Variants in HNRNPL observed in about 807,000 individuals in gnomAD.
The protein encoded by HNRNPL is heterogeneous nuclear ribonucleoprotein L.
A neutral mutation model predicts 64.0 loss-of-function variants in HNRNPL; 12 were observed. That is an observed-to-expected ratio of 0.19 (90% CI 0.12 to 0.30). The LOEUF is 0.30. Among genes scored for constraint, HNRNPL ranks in the 10% least tolerant of loss-of-function variants. The pLI is 1.00. For missense variants in HNRNPL, 484 were observed against 797.4 expected, an observed-to-expected ratio of 0.61 and a Z score of 4.73; for synonymous variants, 385 against 313.0, an observed-to-expected ratio of 1.23 and a Z score of -2.43.
At chr19:38,843,257 CAG>C (rs1039932789) in intron 6 of HNRNPL, 2 of 153,730 alleles carry the variant, frequency 1.3e-5, no homozygotes, top group African/African-American at 4.8e-5. Context: ...CCATTCTTGA[CAG>C]ACACTAGGAA....
At chr19:38,847,235 T>A in intron 2 of HNRNPL, 81 bp downstream of exon 2, 1 of 650,216 alleles carries the variant, frequency 1.5e-6, no homozygotes, top group Non-Finnish European at 2.5e-6. Context: ...AAATCACTAT[T>A]TCCAACCAGA....
intron 2 of HNRNPL, among the ~76,000 whole-genome samples, 166 bp from the exon 3 acceptor site, chr19:38,846,256 CAA>C (rs1241937712): frequency 6.6e-6 from 1 of 152,138 alleles, no homozygotes; most frequent in Non-Finnish European, 1.5e-5. Flanking sequence ...TACCAAAAGC[CAA>C]AGAGGTCTAG....
chr19:38,837,313 C>A, intron 12 of HNRNPL, 71 bp downstream of exon 12: 1 of 1,200,928 alleles, frequency 8.3e-7, no homozygotes, highest in Non-Finnish European at 1.2e-6. Flanking sequence ...GCAGGAAGGA[C>A]ATCCCTGGCC....
At position 38,836,833 on chromosome 19, in the gene HNRNPL, C is replaced by T. The variant is rs1012075486; in HGVS notation, c.1712-53G>A. ...TTCCCGTCTTTGGAGGCTCCCCAAA[C>T]CCAGGTCCCCTCAAGTTTGTACCCA... On this transcript the variant is annotated intron_variant, in intron 12 of 12. Transcript: ENST00000221419. 2.9e-6 allele frequency: 4 copies of T among 1,374,834 alleles called. No homozygotes were observed. The African/African-American group carries it at 5.7e-5, about 20-fold the overall frequency. The allele number at this position is 1,374,834 out of a possible 1,614,324, so 85.2% of individuals were successfully genotyped here.
intron 9 of HNRNPL, 30 bp from the exon 10 acceptor site, chr19:38,838,628 T>C (rs748594639): frequency 6.2e-7 from 1 of 1,601,848 alleles, no homozygotes; most frequent in Non-Finnish European, 8.5e-7. Flanking sequence ...GGAGCCTTTG[T>C]CATACCCAAA....
chr19:38,838,488 T>C lies in HNRNPL; in HGVS notation c.1466A>G (p.Glu489Gly). 1 of 1,614,154 alleles carries C rather than the reference T, an allele frequency of 6.2e-7. No homozygotes were observed. Among genetic ancestry groups the C allele is most frequent in the Non-Finnish European group, 8.5e-7 (1 of 1,179,994 alleles). ...ESRNNRFSTP[E>G]QAAKNRIQHP... ...CTGGATGCGGTTCTTGGCTGCCTGC[T>C]CTGGGGTGGAGAACCGATTGTTCCG... Residue 489 changes from glutamate (E) to glycine (G), a missense_variant, in exon 10 of 13, where the codon GAG becomes GGG. Transcript: ENST00000221419.
chr19:38,851,247 C>T (rs1261351324), upstream of HNRNPL: 1 of 152,360 alleles, frequency 6.6e-6, no homozygotes, highest in Non-Finnish European at 1.5e-5. Flanking sequence ...GGTAAGACCA[C>T]CCGCACTGCA....
rs777125233 is a variant in HNRNPL at position 38,837,654 on chromosome 19, G to A, written c.1558-3C>T. On this transcript the variant is annotated splice_polypyrimidine_tract_variant and splice_region_variant and intron_variant, in intron 10 of 12. Transcript: ENST00000221419. ...TTCACTCCCAGCTCATCGCAGATCT[G>A]CAAAAGAAAACAGGTAGTAAATGAA... 2.5e-6 allele frequency: 4 copies of A among 1,614,024 alleles called. No homozygotes were observed. The Admixed American group carries it at 5.0e-5, about 20-fold the overall frequency.
At position 38,845,996 on chromosome 19, in the gene HNRNPL, G is replaced by C. The variant is rs1357190204; in HGVS notation, c.481C>G (p.Gln161Glu). The C allele has an allele frequency of 6.2e-7, 1 of 1,614,148 alleles. No homozygotes were observed. The highest frequency in any genetic ancestry group is 2.2e-5 in the East Asian group (1 of 44,880). The change falls in exon 3 of 13, where the codon CAA becomes GAA. Residue 161 changes from glutamine (Q) to glutamate (E), a missense_variant. Gln to Glu is a conservative substitution (Grantham distance 29). This residue lies in a region of HNRNPL where 18 missense variants were observed against 19.0 expected (regional missense o/e 0.95). Transcript: ENST00000221419. The stretch of plus-strand genomic sequence containing the variant: ...GCTGGGTGACCAGCAATGTATATTT[G>C]GTTGTCGGCTGCGTAGTTCACTGCG... ...CNAVNYAADN[Q>E]IYIAGHPAFV... is the part of the protein sequence containing the mutation.
At chr19:38,849,407 C>T (rs1363403322) in intron 1 of HNRNPL, 1 of 360,944 alleles carries the variant, frequency 2.8e-6, no homozygotes, top group Non-Finnish European at 4.9e-6. Flanking sequence ...CCGGCCGGGC[C>T]GCGTGCCCGG....
chr19:38,838,658 C>T, intron 9 of HNRNPL, 60 bp from the exon 10 acceptor site: 1 of 1,528,824 alleles, frequency 6.5e-7, no homozygotes, highest in Non-Finnish European at 9.0e-7. Context: ...GAAGCTTTCC[C>T]CTGTGGCCTC....
chr19:38,841,292 G>GA (rs1972109799), intron 6 of HNRNPL: 2 of 329,644 alleles, frequency 6.1e-6, no homozygotes, highest in Admixed American at 4.6e-5. Flanking sequence ...CACAGCTTCT[G>GA]AAATTCCTCA....
intron 8 of HNRNPL, 78 bp downstream of exon 8, chr19:38,840,018 C>T (rs957297321): frequency 2.2e-6 from 3 of 1,380,916 alleles, no homozygotes; most frequent in Non-Finnish European, 3.1e-6. Flanking sequence ...ACACCAGGCT[C>T]CCCCCTGGTT....
chr19:38,849,927 G>A lies in HNRNPL; in HGVS notation c.40C>T (p.Arg14Trp), dbSNP rs771875650. 2.9e-6 allele frequency: 4 copies of A among 1,363,556 alleles called. No homozygotes were observed. Among genetic ancestry groups the A allele is most frequent in the East Asian group, 2.8e-5 (1 of 35,514 alleles). 84.5% of individuals were successfully genotyped at this position (1,363,556 alleles called of 1,614,324 possible). ...RLLPRAEKRR[R>W]RLEQRQQPDE... Reference sequence around the variant, plus strand: ...GGCTGCTGCCTCTGCTCCAGCCGCCGACGCCGCTTCTCCGCCCGGGGCAGC... The same window carrying A: ...GGCTGCTGCCTCTGCTCCAGCCGCCAACGCCGCTTCTCCGCCCGGGGCAGC... Residue 14 changes from arginine to tryptophan, a missense_variant, in exon 1 of 13, where the codon CGG (arginine) becomes TGG (tryptophan). This residue lies in a region of HNRNPL where 190 missense variants were observed against 160.1 expected (regional missense o/e 1.19). Transcript: ENST00000221419.
chr19:38,843,720 G>T, intron 6 of HNRNPL, 122 bp downstream of exon 6: 1 of 787,706 alleles, frequency 1.3e-6, no homozygotes, highest in Non-Finnish European at 2.1e-6. Flanking sequence ...TGACCCCAAG[G>T]CCCTCCCATG....
In HNRNPL at chr19:38,845,142, G is replaced by A. The variant is rs1666369264; in HGVS notation, c.710+508C>T. The A allele has an allele frequency of 1.3e-5, 2 of 152,552 alleles. 1 individual carries two copies. The highest frequency in any genetic ancestry group is 4.1e-4 in the South Asian group (2 of 4,824). 9.4% of individuals were successfully genotyped at this position (152,552 alleles called of 1,614,324 possible). The stretch of plus-strand genomic sequence containing the variant: ...ATCTTTAAAAATAAATTCCTAGCCA[G>A]GCGCGGTGGCTCACACCTGTAATCT... On this transcript the variant is annotated intron_variant, in intron 4 of 12. Coordinates refer to ENST00000221419, the MANE Select transcript of HNRNPL (RefSeq NM_001533.3).
chr19:38,845,410 GAA>G, intron 4 of HNRNPL: 1 of 505,630 alleles, frequency 2.0e-6, no homozygotes, highest in Non-Finnish European at 3.5e-6. Context: ...AAAACAAAAA[GAA>G]AAATAAATTC....
intron 1 of HNRNPL, among the ~76,000 whole-genome samples, chr19:38,848,874 C>T (rs1972395788): frequency 6.6e-6 from 1 of 152,168 alleles, no homozygotes. Context: ...GCTAGCAACT[C>T]GTAACCCCTA....
intron 6 of HNRNPL, chr19:38,841,648 G>C: frequency 2.3e-6 from 3 of 1,286,132 alleles, no homozygotes; most frequent in Non-Finnish European, 3.0e-6. Flanking sequence ...GCACAGTTCT[G>C]AAAGATGGCG....
Sources: allele counts gnomAD v4.1 joint callset (sites outside exome capture counted in the v4.1 genomes callset), GRCh38; gene constraint gnomAD v4.1.1; regional missense constraint gnomAD v4.1.1; transcripts MANE v1.5; gene names NCBI Gene and HGNC (gene_info 2026-07-23, HGNC 2026-07-21).